The following MEPE variants were observed in gnomAD, a reference collection of about 807,000 sequenced individuals.
The protein encoded by MEPE is matrix, extracellular phosphoglycoprotein with ASARM motif (bone).
A neutral mutation model predicts 7.3 loss-of-function variants in MEPE; 7 were observed. The ratio of observed to expected loss-of-function variants is 0.95; its 90% CI spans 0.54 to 1.79. The LOEUF (loss-of-function observed/expected upper bound fraction) is 1.79. Among genes scored for constraint, MEPE ranks in the 40% most tolerant of loss-of-function variants. The probability of loss-of-function intolerance (pLI) is 0.00; values close to 1 mark genes in which losing one functional copy is unlikely to be tolerated. For synonymous variants in MEPE, 214 were observed against 213.1 expected (o/e 1.00, Z -0.04); for missense variants, 623 against 628.2 (o/e 0.99, Z 0.09).
chr4:87,828,608 C>G (rs1431151648), upstream of MEPE, among the ~76,000 whole-genome samples: 2 of 152,130 alleles, frequency 1.3e-5, no homozygotes. Flanking sequence ...AGCCTTATTC[C>G]TGGGTGAGAG....
chr4:87,845,852 T>C lies in MEPE; in HGVS notation c.984T>C (p.Asp328=), dbSNP rs747674405. 2 of 1,614,038 alleles carry C rather than the reference T, an allele frequency of 1.2e-6. No homozygotes were observed. Among genetic ancestry groups the C allele is most frequent in the Non-Finnish European group, 8.5e-7 (1 of 1,179,968 alleles). Residue 328 remains aspartate, a synonymous_variant, in exon 4 of 4, where the codon GAT becomes GAC. Transcript: ENST00000361056. The part of the protein sequence containing the change: ...GTRDETAKEA[D]AVDVSLVEGS... ...GGGATGAAACTGCGAAAGAGGCAGA[T>C]GCTGTTGATGTCAGCCTTGTAGAGG...
At chr4:87,843,382 C>G (rs992704458) in intron 3 of MEPE, among the ~76,000 whole-genome samples, 1 of 152,194 alleles carries the variant, frequency 6.6e-6, no homozygotes, top group Non-Finnish European at 1.5e-5. Context: ...CTCTGCCTCA[C>G]AGACCTTCCC....
At chr4:87,831,711 C>T (rs1261785343), upstream of MEPE, among the ~76,000 whole-genome samples, 1 of 152,150 alleles carries the variant, frequency 6.6e-6, no homozygotes, top group African/African-American at 2.4e-5. Context: ...AGGTCCTATA[C>T]CATCTGCCAT....
At chr4:87,834,115 C>T (rs1446904598) in intron 1 of MEPE, among the ~76,000 whole-genome samples, 2 of 152,170 alleles carry the variant, frequency 1.3e-5, no homozygotes, top group Middle Eastern at 3.2e-3. Context: ...AATTCTTAGA[C>T]CCAGTGCTTG....
intron 2 of MEPE, among the ~76,000 whole-genome samples, chr4:87,838,207 T>C (rs1722873082): frequency 2.0e-5 from 3 of 152,198 alleles, no homozygotes; most frequent in Admixed American, 6.5e-5. Context: ...ATATAATTAA[T>C]GCACACACAC....
At chr4:87,829,056 T>C (rs4345135), upstream of MEPE, among the ~76,000 whole-genome samples, 35,830 of 152,092 alleles carry the variant, frequency 0.24, 4,537 homozygotes, top group Non-Finnish European at 0.27. Context: ...AGGAAACTTA[T>C]ATTGAGTTTT....
upstream of MEPE, among the ~76,000 whole-genome samples, chr4:87,832,163 G>A (rs1358671613): frequency 6.6e-6 from 1 of 151,896 alleles, no homozygotes; most frequent in African/African-American, 2.4e-5. Flanking sequence ...CCTTTTATAA[G>A]GTCATTAATC....
At chr4:87,836,413 ATGTG>A (rs34833616) in intron 2 of MEPE, among the ~76,000 whole-genome samples, 3 of 150,182 alleles carry the variant, frequency 2.0e-5, no homozygotes, top group South Asian at 2.1e-4. Context: ...TCTAATCCAT[ATGTG>A]TGTGTGTGTG....
At chr4:87,828,090 C>G (rs1722510465), upstream of MEPE, among the ~76,000 whole-genome samples, 1 of 152,158 alleles carries the variant, frequency 6.6e-6, no homozygotes, top group Non-Finnish European at 1.5e-5. Context: ...CCAGCACACT[C>G]ATTCTGGACT....
Position 87,838,669 on chromosome 4 carries a change from G to A in MEPE, c.92G>A (p.Cys31Tyr). Reference sequence around the variant, plus strand: ...CAGACTGAGAAAACTAAGCAAAGCTGTGTGGAAGAGCAGAGGGTAAACAGA... The same window carrying A: ...CAGACTGAGAAAACTAAGCAAAGCTATGTGGAAGAGCAGAGGGTAAACAGA... ...QPQTEKTKQS[C>Y]VEEQRQEEKN... is the part of the protein sequence containing the mutation. The change falls in exon 3 of 4, where the codon TGT (cysteine) becomes TAT (tyrosine). Residue 31 changes from cysteine to tyrosine, a missense_variant. By Grantham distance (194) the Cys-to-Tyr change is radical. Coordinates refer to ENST00000361056, the MANE Select transcript of MEPE (RefSeq NM_020203.6). The A allele has an allele frequency of 1.2e-6, 2 of 1,613,564 alleles. No individual in the cohort carries two copies. The highest frequency in any genetic ancestry group is 1.7e-6 in the Non-Finnish European group (2 of 1,179,616).
chr4:87,840,933 C>T (rs1400517899), intron 3 of MEPE, among the ~76,000 whole-genome samples: 6 of 152,158 alleles, frequency 3.9e-5, no homozygotes, highest in South Asian at 2.1e-4. Context: ...CATAAACCAT[C>T]GAACAGTCAG....
At chr4:87,838,749 G>A in intron 3 of MEPE, 64 bp downstream of exon 3, 2 of 1,451,884 alleles carry the variant, frequency 1.4e-6, no homozygotes, top group African/African-American at 1.4e-5. Context: ...GTCAGTAAGA[G>A]AAAAGTGTAA....
chr4:87,834,891 C>A, intron 2 of MEPE, 123 bp downstream of exon 2: 1 of 776,298 alleles, frequency 1.3e-6, no homozygotes, highest in Non-Finnish European at 2.0e-6. Flanking sequence ...TAAAAAGAAC[C>A]AAGCAAACAG....
In MEPE at chr4:87,834,758, G is replaced by T; in HGVS notation, c.44G>T (p.Trp15Leu). The change falls in exon 2 of 4, where the codon TGG becomes TTG. Residue 15 changes from tryptophan (W) to leucine (L), a missense_variant. Trp to Leu is a moderately conservative substitution (Grantham distance 61). Transcript: ENST00000361056. ...CVGLLLFSVT[W>L]AAPTFQPQTE... The stretch of plus-strand genomic sequence containing the variant: ...GGACTACTCCTTTTCAGTGTGACCT[G>T]GGCAGCACCAGTAAGTATTTACAAA... The T allele has an allele frequency of 1.2e-6, 2 of 1,612,014 alleles. No individual in the cohort carries two copies. The highest frequency in any genetic ancestry group is 3.4e-5 in the Admixed American group (2 of 59,512).
upstream of MEPE, among the ~76,000 whole-genome samples, chr4:87,830,428 G>A (rs1407442567): frequency 6.6e-6 from 1 of 152,144 alleles, no homozygotes; most frequent in African/African-American, 2.4e-5. Flanking sequence ...GTCCTTTGTG[G>A]GAACATGGCT....
chr4:87,834,249 G>A (rs1225885874), intron 1 of MEPE, among the ~76,000 whole-genome samples: 2 of 152,170 alleles, frequency 1.3e-5, no homozygotes, highest in Non-Finnish European at 2.9e-5. Context: ...ACACAGATTA[G>A]GGCACCAGCC....
Position 87,837,845 on chromosome 4 carries a change from T to G in MEPE, c.55-787T>G, listed in dbSNP as rs192231229. On this transcript the variant is annotated intron_variant, in intron 2 of 3. Coordinates refer to ENST00000361056, the MANE Select transcript of MEPE (RefSeq NM_020203.6). The stretch of plus-strand genomic sequence containing the variant: ...TAATAAAACAGTTGCTCTCAGATTT[T>G]AGGGTCCCTGTTCTGTGTGCTTTCC... 5 of 152,334 alleles carry G rather than the reference T, an allele frequency of 3.3e-5. No individual in the cohort carries two copies. In the East Asian group the frequency reaches 9.6e-4, roughly 29 times the overall value. The allele number at this position is 152,334 out of a possible 1,614,324, so 9.4% of individuals were successfully genotyped here.
chr4:87,845,289 G>C lies in MEPE; in HGVS notation c.421G>C (p.Glu141Gln), dbSNP rs868049521. 6.2e-7 allele frequency: 1 copy of C among 1,614,020 alleles called. No individual in the cohort carries two copies. Among genetic ancestry groups the C allele is most frequent in the African/African-American group, 1.3e-5 (1 of 75,012 alleles). ...DAISKLHDQE[E>Q]YGAALIRNNM... The stretch of plus-strand genomic sequence containing the variant: ...TATCAGCAAACTACATGACCAAGAA[G>C]AATATGGCGCAGCTCTCATCAGAAA... The change falls in exon 4 of 4, where the codon GAA (glutamate) becomes CAA (glutamine). Residue 141 changes from glutamate to glutamine, a missense_variant. Transcript: ENST00000361056.
rs551712026 is a variant in MEPE, at chr4:87,845,364, G to A, written c.496G>A (p.Glu166Lys). The change falls in exon 4 of 4, where the codon GAA becomes AAA. Residue 166 changes from glutamate to lysine, a missense_variant. Transcript: ENST00000361056. ...GPVTAIKLLG[E>K]ENKENTPRNV... ...AGTGACTGCGATTAAACTCCTGGGG[G>A]AAGAAAACAAAGAGAACACACCTAG... 59 of 1,613,888 alleles carry A rather than the reference G, an allele frequency of 3.7e-5. No homozygotes were observed. The South Asian group carries it at 6.0e-4, about 17-fold the overall frequency.
Sources: allele counts gnomAD v4.1 joint callset (sites outside exome capture counted in the v4.1 genomes callset), GRCh38; gene constraint gnomAD v4.1.1; transcripts MANE v1.5; gene names NCBI Gene and HGNC (gene_info 2026-07-23, HGNC 2026-07-21).